FKBP15: variants seen among roughly 807,000 people sequenced by gnomAD.
FKBP15 encodes the protein FK506-binding protein 15.
A neutral mutation model predicts 158.1 loss-of-function variants in FKBP15; 106 were observed. The observed-to-expected ratio is 0.67, with a 90% confidence interval of 0.57 to 0.79. The LOEUF is 0.79. Among genes scored for constraint, FKBP15 ranks in the 30% least tolerant of loss-of-function variants. The pLI is 0.00. For missense variants in FKBP15, 1,287 were observed against 1,479.1 expected (o/e 0.87, Z 2.13); for synonymous variants, 547 against 548.6 (o/e 1.00, Z 0.04).
chr9:113,170,126 C>CA (rs1830179145), intron 25 of FKBP15, among the ~76,000 whole-genome samples, 184 bp from the exon 26 acceptor site: 2 of 149,268 alleles, frequency 1.3e-5, no homozygotes, highest in Non-Finnish European at 1.5e-5. Flanking sequence ...GAATAATTTT[C>CA]TTTTTTTTTT....
chr9:113,184,206 G>T lies in FKBP15; in HGVS notation c.1716+86C>A. 2 of 854,672 alleles carry T rather than the reference G, an allele frequency of 2.3e-6. No individual in the cohort carries two copies. Among genetic ancestry groups the T allele is most frequent in the Non-Finnish European group, 3.8e-6 (2 of 528,124 alleles). The allele number at this position is 854,672 out of a possible 1,614,324, so 52.9% of individuals were successfully genotyped here. ...AGCGTTTATCACAGGCTATTTCTGG[G>T]GTGGAGGTGTTAAAGAGTAGTACCT... On this transcript the variant is annotated intron_variant, in intron 17 of 27. Transcript: ENST00000238256. The surrounding 1 kb of genome is among the most constrained non-coding windows in gnomAD (Gnocchi z 4.5).
At chr9:113,180,970 T>G (rs1371361259) in intron 19 of FKBP15, among the ~76,000 whole-genome samples, 1 of 152,052 alleles carries the variant, frequency 6.6e-6, no homozygotes, top group Non-Finnish European at 1.5e-5. Context: ...AAAGGAGAGA[T>G]CACCAGGAAA....
chr9:113,199,849 T>C lies in FKBP15; in HGVS notation c.613A>G (p.Thr205Ala). The C allele has an allele frequency of 1.9e-6, 3 of 1,613,098 alleles. No homozygotes were observed. Among genetic ancestry groups the C allele is most frequent in the Non-Finnish European group, 8.5e-7 (1 of 1,179,536 alleles). ...ACATGATTCTGAAAGAGCCAGCCGG[T>C]ATAGGCCACTTCCAAAGAATCTCCA... ...EVGDSLEVAY[T>A]GWLFQNHVLG... The change falls in exon 7 of 28, where the codon ACC (threonine) becomes GCC (alanine). Residue 205 changes from threonine to alanine, a missense_variant. Physicochemically the swap from Thr to Ala is moderately conservative, Grantham distance 58 (BLOSUM62 0). Coordinates refer to ENST00000238256, the MANE Select transcript of FKBP15 (RefSeq NM_015258.2).
Position 113,184,436 on chromosome 9 carries a change from T to A in FKBP15, c.1609-37A>T. 4 of 1,463,836 alleles carry A rather than the reference T, an allele frequency of 2.7e-6. No homozygotes were observed. The highest frequency in any genetic ancestry group is 3.8e-6 in the Non-Finnish European group (4 of 1,062,138). The allele number at this position is 1,463,836 out of a possible 1,614,324, so 90.7% of individuals were successfully genotyped here. The stretch of plus-strand genomic sequence containing the variant: ...ATACCAGAAAGACCTTGTGAGAAAT[T>A]ATAAAATGAAGAAATACAATTTACC... On this transcript the variant is annotated intron_variant, in intron 16 of 27. Coordinates refer to ENST00000238256, the MANE Select transcript of FKBP15 (RefSeq NM_015258.2). The surrounding 1 kb of genome is among the most constrained non-coding windows in gnomAD (Gnocchi z 4.5).
rs1830057735 is a variant in FKBP15 at position 113,163,898 on chromosome 9, T to A, written c.*2180A>T. On this transcript the variant is annotated 3_prime_UTR_variant, in exon 28 of 28. Transcript: ENST00000238256. ...AGTGGGGAAACATGATTCATTCACT[T>A]AAAATACTGATTAAGCCATGGGCAG... 1.0e-5 allele frequency: 1 copy of A among 95,624 alleles called. No homozygotes were observed. The highest frequency in any genetic ancestry group is 1.2e-4 in the Admixed American group (1 of 8,492). The allele number at this position is 95,624 out of a possible 1,614,324, so 5.9% of individuals were successfully genotyped here.
intron 6 of FKBP15, among the ~76,000 whole-genome samples, chr9:113,202,323 A>G (rs1401328543): frequency 2.0e-5 from 3 of 152,248 alleles, no homozygotes; most frequent in Admixed American, 6.5e-5. Context: ...TAAAAAAGAA[A>G]AAGGCTAAAT....
intron 18 of FKBP15, among the ~76,000 whole-genome samples, chr9:113,183,120 G>T (rs753378623): frequency 9.9e-5 from 15 of 152,128 alleles, no homozygotes; most frequent in Non-Finnish European, 1.9e-4. Flanking sequence ...GTGTGATAAT[G>T]GGAATGAGTA....
At position 113,218,377 on chromosome 9, in the gene FKBP15, TTATATATATA is replaced by T. The variant is rs10539484; in HGVS notation, c.53+2804_53+2813del. On this transcript the variant is annotated intron_variant, in intron 1 of 27. Coordinates refer to ENST00000238256, the MANE Select transcript of FKBP15 (RefSeq NM_015258.2). ...ACCTCATAGAGAGGAGTAAATACAA[TTATATATATA>T]TATATATATATATATATATATATAT... Among the ~76,000 whole-genome samples the T allele has an allele frequency of 3.3e-3, 338 of 101,492 alleles. 5 individuals carry two copies. The highest frequency in any genetic ancestry group is 0.012 in the African/African-American group (303 of 25,786). The allele number at this position is 101,492 out of a possible 152,430, so 66.6% of individuals were successfully genotyped here. A position where few individuals can be genotyped will look rare whatever the true frequency, so the allele number is the denominator to read the frequency against.
At chr9:113,210,215 TG>T (rs1830973033) in intron 2 of FKBP15, among the ~76,000 whole-genome samples, 1 of 152,036 alleles carries the variant, frequency 6.6e-6, no homozygotes, top group East Asian at 1.9e-4. Context: ...CACTCACCAC[TG>T]GGGGTGAGCT....
intron 1 of FKBP15, among the ~76,000 whole-genome samples, chr9:113,212,426 T>C (rs1241863384): frequency 6.6e-6 from 1 of 152,104 alleles, no homozygotes; most frequent in Non-Finnish European, 1.5e-5. Context: ...TGACCTCAAG[T>C]GATCCACCCA....
At chr9:113,215,173 A>G (rs1350694745) in intron 1 of FKBP15, among the ~76,000 whole-genome samples, 1 of 152,218 alleles carries the variant, frequency 6.6e-6, no homozygotes, top group Non-Finnish European at 1.5e-5. Flanking sequence ...AATATGGCTA[A>G]CTGGCACAAG....
At chr9:113,190,137 T>C (rs1830549748) in intron 12 of FKBP15, among the ~76,000 whole-genome samples, 2 of 152,194 alleles carry the variant, frequency 1.3e-5, no homozygotes, top group African/African-American at 4.8e-5. Context: ...AAACATTCGC[T>C]CAATAAATAT....
intron 2 of FKBP15, among the ~76,000 whole-genome samples, chr9:113,210,150 A>C (rs576454215): frequency 1.8e-4 from 27 of 152,262 alleles, no homozygotes; most frequent in African/African-American, 5.1e-4. Flanking sequence ...ATCAGTTCCC[A>C]ACAAAGCGCA....
intron 3 of FKBP15, 83 bp from the exon 4 acceptor site, chr9:113,206,661 GGA>G: frequency 1.2e-5 from 9 of 727,998 alleles, no homozygotes; most frequent in Non-Finnish European, 1.9e-5. Flanking sequence ...TACAGAAGTG[GGA>G]ACAACAGTCA....
At position 113,196,696 on chromosome 9, in the gene FKBP15, T is replaced by C. The variant is rs568628302; in HGVS notation, c.864+236A>G. On this transcript the variant is annotated intron_variant, in intron 9 of 27. Transcript: ENST00000238256. ...CTGCGCCCGGCCGAAGATGTGACTTTCTTAAAGTCACAACCACTTCTAGAC... is the reference window on the plus strand; with the variant it reads ...CTGCGCCCGGCCGAAGATGTGACTTCCTTAAAGTCACAACCACTTCTAGAC... Among the ~76,000 whole-genome samples, 17 of 152,308 alleles carry C rather than the reference T, an allele frequency of 1.1e-4. No individual in the cohort carries two copies. In the East Asian group the frequency reaches 1.7e-3, roughly 16 times the overall value.
intron 1 of FKBP15, among the ~76,000 whole-genome samples, chr9:113,212,190 T>C (rs551471705): frequency 2.0e-5 from 3 of 152,176 alleles, no homozygotes; most frequent in Non-Finnish European, 4.4e-5. Context: ...ATTTTTTTGT[T>C]TGTTTTTGTT....
At chr9:113,210,980 G>A (rs923096321) in intron 2 of FKBP15, among the ~76,000 whole-genome samples, 1 of 152,116 alleles carries the variant, frequency 6.6e-6, no homozygotes, top group African/African-American at 2.4e-5. Context: ...CTACTTTTGA[G>A]GTTTTGAGAC....
At position 113,162,700 on chromosome 9, in the gene FKBP15, T is replaced by G. The variant is rs368506721; in HGVS notation, c.*3378A>C. ...TCCCTGATATCTACTCCCAGCTTCCTCATTACCAGCTCATTACCAGGATTA... is the reference window on the plus strand; with the variant it reads ...TCCCTGATATCTACTCCCAGCTTCCGCATTACCAGCTCATTACCAGGATTA... On this transcript the variant is annotated 3_prime_UTR_variant, in exon 28 of 28. Transcript: ENST00000238256. 1.1e-4 allele frequency: 168 copies of G among 1,555,148 alleles called. 1 individual carries two copies. The Middle Eastern group carries it at 1.8e-3, about 16-fold the overall frequency.
intron 2 of FKBP15, among the ~76,000 whole-genome samples, chr9:113,208,584 C>T (rs1393292474): frequency 6.6e-6 from 1 of 152,018 alleles, no homozygotes; most frequent in Non-Finnish European, 1.5e-5. Context: ...TTAGAAAATA[C>T]AGAAACACAT....
Sources: allele counts gnomAD v4.1 joint callset (sites outside exome capture counted in the v4.1 genomes callset), GRCh38; gene constraint gnomAD v4.1.1; non-coding constraint Gnocchi (gnomAD v3.1); transcripts MANE v1.5; gene names NCBI Gene and HGNC (gene_info 2026-07-23, HGNC 2026-07-21).